The following RBM41 variants were observed in gnomAD, a reference collection of about 807,000 sequenced individuals.
RBM41 encodes the protein RNA binding motif protein 41, also known as RNA-binding protein 41.
A neutral mutation model predicts 30.8 loss-of-function variants in RBM41; 14 were observed. The ratio of observed to expected loss-of-function variants is 0.45; its 90% CI spans 0.30 to 0.71. The LOEUF (loss-of-function observed/expected upper bound fraction) is 0.71. RBM41 is among the 30% of genes least tolerant of loss of function. The probability of loss-of-function intolerance (pLI) is 0.08; values close to 1 mark genes in which losing one functional copy is unlikely to be tolerated. For synonymous variants in RBM41, 120 were observed against 110.1 expected (o/e 1.09, Z -0.56); for missense variants, 276 against 326.3 (o/e 0.85, Z 1.19).
chrX:107,099,237 A>G (rs1370885348), intron 5 of RBM41, among the ~76,000 whole-genome samples: 1 of 111,712 alleles, frequency 9.0e-6, no homozygotes, highest in East Asian at 2.8e-4. Context: ...CTATGATTAG[A>G]GAAAAATTGG....
intron 5 of RBM41, among the ~76,000 whole-genome samples, chrX:107,106,952 TG>T (rs2147725221): frequency 9.0e-6 from 1 of 110,602 alleles, no homozygotes; most frequent in East Asian, 2.9e-4. Context: ...TACACCAACA[TG>T]GCACATGTAT....
intron 6 of RBM41, among the ~76,000 whole-genome samples, chrX:107,075,821 G>A (rs1569327752): frequency 8.9e-6 from 1 of 111,980 alleles, no homozygotes; most frequent in East Asian, 2.8e-4. Context: ...GTACAGTGTG[G>A]AAGTTCCTCC....
intron 7 of RBM41, among the ~76,000 whole-genome samples, chrX:107,068,641 A>G (rs1935931383): frequency 9.0e-6 from 1 of 111,268 alleles, no homozygotes; most frequent in Admixed American, 9.6e-5. Context: ...TTGCCCACAT[A>G]TAGATTAATA....
chrX:107,100,352 G>T (rs1359253714), intron 5 of RBM41, among the ~76,000 whole-genome samples: 2 of 110,225 alleles, frequency 1.8e-5, no homozygotes, highest in African/African-American at 6.6e-5. Context: ...ATTAGCCAGG[G>T]GTGATGGCAA....
At chrX:107,056,405 ATG>A in the RBM41 span, among the ~76,000 whole-genome samples, 1 of 112,050 alleles carries the variant, frequency 8.9e-6, no homozygotes, top group Non-Finnish European at 1.9e-5. Flanking sequence ...GCCTCATAGA[ATG>A]TGTTAGGAAG....
chrX:107,114,441 C>A (rs1298623172), intron 4 of RBM41: 2 of 112,041 alleles, frequency 1.8e-5, no homozygotes, highest in African/African-American at 6.5e-5. Context: ...AAATACAGTT[C>A]AAAATTTTTA....
At chrX:107,070,851 G>A (rs943627369) in intron 6 of RBM41, among the ~76,000 whole-genome samples, 1 of 109,825 alleles carries the variant, frequency 9.1e-6, no homozygotes, top group Non-Finnish European at 1.9e-5. Context: ...GTGAGACCCT[G>A]TCTCTGCAAA....
chrX:107,054,773 T>G, the RBM41 span, among the ~76,000 whole-genome samples: 1 of 111,897 alleles, frequency 8.9e-6, no homozygotes, highest in African/African-American at 3.2e-5. Flanking sequence ...AGCCTTTGGT[T>G]TGGAAACCTT....
chrX:107,070,366 C>T (rs372688747), intron 6 of RBM41: 12 of 329,066 alleles, frequency 3.6e-5, no homozygotes, highest in African/African-American at 2.7e-4. Context: ...GCTCCTAGAA[C>T]GCTGGTAGTA....
chrX:107,101,933 T>A (rs528573483), intron 5 of RBM41, among the ~76,000 whole-genome samples: 1 of 111,410 alleles, frequency 9.0e-6, no homozygotes, highest in African/African-American at 3.3e-5. Context: ...TTGAGGAGAT[T>A]GTTGGTAGAA....
At chrX:107,071,447 A>G (rs1361575043) in intron 6 of RBM41, among the ~76,000 whole-genome samples, 3 of 111,533 alleles carry the variant, frequency 2.7e-5, no homozygotes. Flanking sequence ...ACCTAGACAA[A>G]AACATTATAA....
intron 5 of RBM41, among the ~76,000 whole-genome samples, chrX:107,097,383 T>C (rs766483728): frequency 1.0e-3 from 116 of 111,924 alleles, no homozygotes; most frequent in African/African-American, 3.6e-3. Flanking sequence ...GGAATTGTAA[T>C]CCCCATAATC....
intron 6 of RBM41, among the ~76,000 whole-genome samples, chrX:107,085,374 C>A (rs1395596637): frequency 9.3e-6 from 1 of 106,982 alleles, no homozygotes; most frequent in African/African-American, 3.4e-5. Flanking sequence ...TCAAGAGATT[C>A]TCATGCCTCA....
chrX:107,068,642 T>C (rs960829471), intron 7 of RBM41, among the ~76,000 whole-genome samples: 4 of 111,069 alleles, frequency 3.6e-5, no homozygotes, highest in African/African-American at 1.3e-4. Flanking sequence ...TGCCCACATA[T>C]AGATTAATAG....
In RBM41 at chrX:107,095,149, C is replaced by CAAA. The variant is rs59436196; in HGVS notation, c.596-6313_596-6311dup. Among the ~76,000 whole-genome samples, 265 of 51,033 alleles carry CAAA rather than the reference C, an allele frequency of 5.2e-3. 6 individuals carry two copies. The highest frequency in any genetic ancestry group is 0.014 in the African/African-American group (231 of 16,724). The allele number at this position is 51,033 out of a possible 115,157, so 44.3% of individuals were successfully genotyped here. The stretch of plus-strand genomic sequence containing the variant: ...GAAGGTTCCAGACAGTATAAGGAGG[C>CAAA]AAAAAAAAAAAAAAAAAAATCCTCC... On this transcript the variant is annotated intron_variant, in intron 5 of 7. Coordinates refer to ENST00000685964, the MANE Select transcript of RBM41 (RefSeq NM_001324242.2).
At chrX:107,076,509 A>C (rs977621650) in intron 6 of RBM41, among the ~76,000 whole-genome samples, 1 of 110,563 alleles carries the variant, frequency 9.0e-6, no homozygotes, top group Admixed American at 9.7e-5. Flanking sequence ...CACTTACTGA[A>C]GTATCTAAAG....
intron 5 of RBM41, among the ~76,000 whole-genome samples, chrX:107,099,690 TACACACACACACAC>T (rs58279760): frequency 3.7e-4 from 34 of 92,535 alleles, no homozygotes; most frequent in Middle Eastern, 5.8e-3. Context: ...TCCTGAAAGG[TACACACACACACAC>T]ACACACACAC....
rs1405281993 is a variant in RBM41 at position 107,064,271 on chromosome X, A to G, written c.*3256T>C. ...CCTGGTCTTTTTTCTTCTTAAGTAC[A>G]GGCATTTGTACCTATAGATTTCCCT... is the stretch of plus-strand genomic sequence containing the variant. On this transcript the variant is annotated 3_prime_UTR_variant, in exon 8 of 8. Transcript: ENST00000685964. 1 of 111,185 alleles carries G rather than the reference A, an allele frequency of 9.0e-6. No homozygotes were observed. Among genetic ancestry groups the G allele is most frequent in the African/African-American group, 3.3e-5 (1 of 30,595 alleles). The allele number at this position is 111,185 out of a possible 1,213,427, so 9.2% of individuals were successfully genotyped here. A position where few individuals can be genotyped will look rare whatever the true frequency, so the allele number is the denominator to read the frequency against.
At chrX:107,086,033 G>C (rs2147946491) in intron 6 of RBM41, among the ~76,000 whole-genome samples, 1 of 111,818 alleles carries the variant, frequency 8.9e-6, no homozygotes, top group Non-Finnish European at 1.9e-5. Flanking sequence ...TTCAGCAAAG[G>C]AATGTAACAG....
Sources: allele counts gnomAD v4.1 joint callset (sites outside exome capture counted in the v4.1 genomes callset), GRCh38; gene constraint gnomAD v4.1.1; transcripts MANE v1.5; gene names NCBI Gene and HGNC (gene_info 2026-07-23, HGNC 2026-07-21).